Variants in FAM222A observed in about 807,000 individuals in gnomAD.
FAM222A encodes the protein protein FAM222A.
FAM222A carries 7 observed loss-of-function variants against 25.8 expected under a neutral mutation model. The observed-to-expected ratio is 0.27, with a 90% CI of 0.15 to 0.51. FAM222A has a LOEUF of 0.51. FAM222A is among the 20% of genes least tolerant of loss of function. The probability of loss-of-function intolerance (pLI) is 0.97; values close to 1 mark genes in which losing one functional copy is unlikely to be tolerated. For missense variants in FAM222A, 573 were observed against 640.5 expected, an observed-to-expected ratio of 0.89 and a Z score of 1.14; for synonymous variants, 294 against 298.8, an observed-to-expected ratio of 0.98 and a Z score of 0.17.
intron 1 of FAM222A, chr12:109,743,848 G>A (rs1368863389): frequency 2.0e-6 from 2 of 985,284 alleles, no homozygotes; most frequent in African/African-American, 1.7e-5. Flanking sequence ...GCCGAGCAGG[G>A]CCGGGGCATG....
At chr12:109,730,277 G>A (rs1357126492) in intron 1 of FAM222A, among the ~76,000 whole-genome samples, 3 of 152,272 alleles carry the variant, frequency 2.0e-5, no homozygotes, top group Non-Finnish European at 4.4e-5. Context: ...GATGGCTTTG[G>A]GCATGTGGCT....
At chr12:109,720,286 G>C in intron 1 of FAM222A, 2 of 672,180 alleles carry the variant, frequency 3.0e-6, no homozygotes, top group Non-Finnish European at 3.7e-6. Context: ...GGCTCCCGGG[G>C]ATGGGGACTT....
intron 2 of FAM222A, among the ~76,000 whole-genome samples, chr12:109,751,797 T>C (rs1285149981): frequency 6.6e-6 from 1 of 152,240 alleles, no homozygotes; most frequent in Non-Finnish European, 1.5e-5. Flanking sequence ...TGGAAAGTGT[T>C]TGCTGCTGAC....
intron 2 of FAM222A, among the ~76,000 whole-genome samples, chr12:109,765,666 T>C (rs1006937320): frequency 3.3e-5 from 5 of 152,202 alleles, no homozygotes; most frequent in Admixed American, 1.3e-4. Context: ...CCCATTTCAC[T>C]TGGATTGGTT....
intron 1 of FAM222A, among the ~76,000 whole-genome samples, chr12:109,740,163 A>G (rs1443150341): frequency 1.3e-5 from 2 of 152,184 alleles, no homozygotes; most frequent in Admixed American, 6.5e-5. Context: ...CTCGGACCTG[A>G]AAAGTTCCTT....
At position 109,769,277 on chromosome 12, in the gene FAM222A, G is replaced by A. The variant is rs368611481; in HGVS notation, c.1348G>A (p.Val450Ile). The A allele has an allele frequency of 9.1e-5, 147 of 1,609,392 alleles. No individual in the cohort carries two copies. The highest frequency in any genetic ancestry group is 4.9e-4 in the Middle Eastern group (3 of 6,082). ...DHQHAHIRLP[V>I]YR Reference sequence around the variant, plus strand: ...CCAGCATGCCCACATCCGCCTACCCGTCTACAGATAAGGCCTGCCCTGCGG... The same window carrying A: ...CCAGCATGCCCACATCCGCCTACCCATCTACAGATAAGGCCTGCCCTGCGG... Residue 450 changes from valine to isoleucine, a missense_variant, in exon 3 of 3, where the codon GTC (valine) becomes ATC (isoleucine). Coordinates refer to ENST00000538780, the MANE Select transcript of FAM222A (RefSeq NM_032829.3).
chr12:109,732,437 C>A (rs1361204153), intron 1 of FAM222A, among the ~76,000 whole-genome samples: 1 of 152,258 alleles, frequency 6.6e-6, no homozygotes. Context: ...TCCTGGGCTC[C>A]TGGACGCCAC....
chr12:109,722,806 T>A (rs1887769279), intron 1 of FAM222A: 1 of 152,150 alleles, frequency 6.6e-6, no homozygotes, highest in Non-Finnish European at 1.5e-5. Context: ...TTTAACTCAA[T>A]AAAGGGAGAG....
Position 109,768,580 on chromosome 12 carries a change from C to A in FAM222A, c.651C>A (p.Pro217=). Residue 217 remains proline (P), a synonymous_variant, in exon 3 of 3, where the codon CCC becomes CCA. Transcript: ENST00000538780. ...NQQCQAPGAA[P]PACQGMAIPH... ...AGTGCCAGGCCCCGGGCGCCGCACC[C>A]CCTGCCTGCCAGGGCATGGCTATTC... The A allele has an allele frequency of 6.2e-7, 1 of 1,602,238 alleles. No individual in the cohort carries two copies. Among genetic ancestry groups the A allele is most frequent in the Non-Finnish European group, 8.5e-7 (1 of 1,176,368 alleles).
rs747781518 is a variant in FAM222A at position 109,768,710 on chromosome 12, C to G, written c.781C>G (p.Gln261Glu). Residue 261 changes from glutamine to glutamate, a missense_variant, in exon 3 of 3, where the codon CAG becomes GAG. By Grantham distance (29) the Gln-to-Glu change is conservative (BLOSUM62 2). Transcript: ENST00000538780. ...PDCRKGTELG[Q>E]GATQALTLAG... ...CTGCCGGAAAGGCACTGAGCTGGGC[C>G]AGGGAGCCACCCAAGCCTTGACGTT... 1.4e-5 allele frequency: 22 copies of G among 1,581,170 alleles called. No individual in the cohort carries two copies. Among genetic ancestry groups the G allele is most frequent in the Non-Finnish European group, 1.8e-5 (21 of 1,169,262 alleles).
intron 2 of FAM222A, among the ~76,000 whole-genome samples, chr12:109,760,327 C>T (rs1888857510): frequency 6.6e-6 from 1 of 152,136 alleles, no homozygotes; most frequent in South Asian, 2.1e-4. Context: ...TTCAGTTAGA[C>T]CCTAAAGGAC....
Position 109,769,594 on chromosome 12 carries a change from A to C in FAM222A, c.*306A>C. ...GCAGGGAGAGAGAAACCACTCAAAA[A>C]CAGGAATGGTTCTTTCTGGGCCTCC... On this transcript the variant is annotated 3_prime_UTR_variant, in exon 3 of 3. Transcript: ENST00000538780. The C allele has an allele frequency of 2.9e-5, 11 of 385,782 alleles. No homozygotes were observed. The highest frequency in any genetic ancestry group is 4.7e-5 in the East Asian group (1 of 21,108). 23.9% of individuals were successfully genotyped at this position (385,782 alleles called of 1,614,324 possible). A position where few individuals can be genotyped will look rare whatever the true frequency, so the allele number is the denominator to read the frequency against.
At chr12:109,723,000 G>T (rs1411841503) in intron 1 of FAM222A, among the ~76,000 whole-genome samples, 1 of 148,008 alleles carries the variant, frequency 6.8e-6, no homozygotes, top group Non-Finnish European at 1.5e-5. Context: ...GGAGGGAGCG[G>T]GTGGGGGGGG....
chr12:109,715,111 C>G (rs1466348656), intron 1 of FAM222A, among the ~76,000 whole-genome samples: 3 of 152,174 alleles, frequency 2.0e-5, no homozygotes, highest in African/African-American at 4.8e-5. Context: ...CCGCGGGACC[C>G]TGGGCGGGTT....
In FAM222A at chr12:109,768,509, T is replaced by C. The variant is rs1334962716; in HGVS notation, c.580T>C (p.Ser194Pro). ...GGGCCGGGGCCTGCCCCTGCCACCT[T>C]CCAACCTGCCCTCCATCCACAGCCT... ...LPGRGLPLPP[S>P]NLPSIHSLLY... Residue 194 changes from serine to proline, a missense_variant, in exon 3 of 3, where the codon TCC (serine) becomes CCC (proline). Coordinates refer to ENST00000538780, the MANE Select transcript of FAM222A (RefSeq NM_032829.3). The C allele has an allele frequency of 1.9e-6, 3 of 1,605,816 alleles. No homozygotes were observed. The highest frequency in any genetic ancestry group is 2.5e-6 in the Non-Finnish European group (3 of 1,178,584).
intron 1 of FAM222A, among the ~76,000 whole-genome samples, chr12:109,715,117 G>A (rs929051138): frequency 1.3e-5 from 2 of 152,198 alleles, no homozygotes; most frequent in African/African-American, 4.8e-5. Flanking sequence ...GACCCTGGGC[G>A]GGTTGGTTGC....
rs749687676 is a variant in FAM222A at position 109,769,664 on chromosome 12, C to T, written c.*376C>T. 215 of 239,978 alleles carry T rather than the reference C, an allele frequency of 9.0e-4. 1 individual carries two copies. Among genetic ancestry groups the T allele is most frequent in the Non-Finnish European group, 1.2e-3 (148 of 124,138 alleles). The allele number at this position is 239,978 out of a possible 1,614,324, so 14.9% of individuals were successfully genotyped here. ...AAGGTGGGGTGCAGGAGGAAACAGG[C>T]GCACCAGAGTCAGGGTGGGGGCAGG... On this transcript the variant is annotated 3_prime_UTR_variant, in exon 3 of 3. Transcript: ENST00000538780.
rs990960409 is a variant in FAM222A, at chr12:109,715,369, C to A, written c.-47+472C>A. 2.0e-5 allele frequency among the ~76,000 whole-genome samples: 3 copies of A among 152,200 alleles called. No individual in the cohort carries two copies. In the South Asian group the frequency reaches 6.2e-4, roughly 32 times the overall value. ...GAGAATTGTGCCCCATGGGGCTAGACCTTAGAGCCCTCGTTCAAACCACGT... is the reference window on the plus strand; with the variant it reads ...GAGAATTGTGCCCCATGGGGCTAGAACTTAGAGCCCTCGTTCAAACCACGT... On this transcript the variant is annotated intron_variant, in intron 1 of 2. Coordinates refer to ENST00000538780, the MANE Select transcript of FAM222A (RefSeq NM_032829.3).
At chr12:109,748,330 C>CTTTT (rs1410740242) in intron 2 of FAM222A, among the ~76,000 whole-genome samples, 1 of 40,442 alleles carries the variant, frequency 2.5e-5, no homozygotes, top group African/African-American at 8.5e-5. Context: ...CTTTGGTTTT[C>CTTTT]TTTCTTTTTT....
Sources: allele counts gnomAD v4.1 joint callset (sites outside exome capture counted in the v4.1 genomes callset), GRCh38; gene constraint gnomAD v4.1.1; transcripts MANE v1.5; gene names NCBI Gene and HGNC (gene_info 2026-07-23, HGNC 2026-07-21).